The following NEDD4 variants were observed in gnomAD, a reference collection of about 807,000 sequenced individuals.
The protein encoded by NEDD4 is NEDD4 E3 ubiquitin protein ligase, also known as E3 ubiquitin-protein ligase NEDD4.
Under a neutral mutation model 144.9 loss-of-function variants are expected in NEDD4, and 99 were observed. The observed-to-expected ratio is 0.68, with a 90% confidence interval of 0.58 to 0.81. The LOEUF (loss-of-function observed/expected upper bound fraction) is 0.81. Among genes scored for constraint, NEDD4 ranks in the 30% least tolerant of loss-of-function variants. The probability of loss-of-function intolerance (pLI) is 0.00; values close to 1 mark genes in which losing one functional copy is unlikely to be tolerated. For missense variants in NEDD4, 985 were observed against 1,065.9 expected (o/e 0.92, Z 1.06); for synonymous variants, 318 against 350.6 (o/e 0.91, Z 1.04).
chr15:55,847,111 T>G, intron 17 of NEDD4, 77 bp from the exon 18 acceptor site: 1 of 973,544 alleles, frequency 1.0e-6, no homozygotes, highest in Non-Finnish European at 1.6e-6. Context: ...TGTTGTATTT[T>G]ATGAACGTAA....
intron 4 of NEDD4, among the ~76,000 whole-genome samples, chr15:55,929,333 T>G (rs1299456757): frequency 6.6e-6 from 1 of 152,212 alleles, no homozygotes; most frequent in Non-Finnish European, 1.5e-5. Flanking sequence ...TTTTTTTCCT[T>G]TTTTAAAAAA....
chr15:55,927,077 C>CAAAAAAAAAAAAAAA (rs57940091), intron 4 of NEDD4, among the ~76,000 whole-genome samples: 10 of 70,638 alleles, frequency 1.4e-4, no homozygotes, highest in East Asian at 4.4e-4. Context: ...GACTACGTCT[C>CAAAAAAAAAAAAAAA]AAAAAAAAAA....
At chr15:55,845,223 G>A (rs914014810) in intron 18 of NEDD4, among the ~76,000 whole-genome samples, 1 of 151,916 alleles carries the variant, frequency 6.6e-6, no homozygotes, top group African/African-American at 2.4e-5. Flanking sequence ...GTTGCATTCT[G>A]GGTAATTTCC....
chr15:55,834,459 G>C (rs1329336672), intron 24 of NEDD4, among the ~76,000 whole-genome samples, 173 bp from the exon 25 acceptor site: 1 of 152,144 alleles, frequency 6.6e-6, no homozygotes, highest in Non-Finnish European at 1.5e-5. Flanking sequence ...CATGTGCACA[G>C]TCTGTTCTCT....
chr15:55,990,441 C>G (rs2037970793), intron 1 of NEDD4, among the ~76,000 whole-genome samples: 1 of 152,132 alleles, frequency 6.6e-6, no homozygotes, highest in African/African-American at 2.4e-5. Flanking sequence ...AGAATATAAT[C>G]AATCTTGACG....
At position 55,852,307 on chromosome 15, in the gene NEDD4, A is replaced by G; in HGVS notation, c.1146+117T>C. On this transcript the variant is annotated intron_variant, in intron 13 of 28. Coordinates refer to ENST00000435532, the MANE Select transcript of NEDD4 (RefSeq NM_006154.4). ...TGAGACTCCATCTCAAAAAAATAAA[A>G]AAAAAAAAGAAGGTGGTAGAAGTAT... 3.2e-6 allele frequency: 4 copies of G among 1,232,936 alleles called. No homozygotes were observed. The East Asian group carries it at 8.2e-5, about 25-fold the overall frequency. 76.4% of individuals were successfully genotyped at this position (1,232,936 alleles called of 1,614,324 possible). A position where few individuals can be genotyped will look rare whatever the true frequency, so the allele number is the denominator to read the frequency against.
chr15:55,907,874 A>G (rs1034315203), intron 5 of NEDD4, among the ~76,000 whole-genome samples: 5 of 152,214 alleles, frequency 3.3e-5, no homozygotes, highest in Admixed American at 2.0e-4. Flanking sequence ...GCCTCTATCC[A>G]GACACCCAGT....
chr15:55,993,612 T>C lies in NEDD4; in HGVS notation c.-57A>G. 6.4e-7 allele frequency: 1 copy of C among 1,569,536 alleles called. No homozygotes were observed. The highest frequency in any genetic ancestry group is 2.5e-5 in the East Asian group (1 of 39,288). ...CGCCCCCGCCCAGGGCAGGCAACTG[T>C]GGAGGAGGAGGAGGAGAAGCGGGAG... On this transcript the variant is annotated 5_prime_UTR_variant, in exon 1 of 29. Coordinates refer to ENST00000435532, the MANE Select transcript of NEDD4 (RefSeq NM_006154.4).
intron 13 of NEDD4, among the ~76,000 whole-genome samples, chr15:55,852,122 C>T (rs2034005827): frequency 6.6e-6 from 1 of 151,654 alleles, no homozygotes. Context: ...ATGGTGAAAC[C>T]CTGTCTCTAC....
At chr15:55,837,060 T>C (rs1415248757) in intron 24 of NEDD4, among the ~76,000 whole-genome samples, 1 of 152,194 alleles carries the variant, frequency 6.6e-6, no homozygotes, top group African/African-American at 2.4e-5. Context: ...TAATTTATAT[T>C]CTGAATAAAA....
chr15:55,972,347 CAA>C (rs2037626195), intron 1 of NEDD4, among the ~76,000 whole-genome samples: 1 of 151,920 alleles, frequency 6.6e-6, no homozygotes, highest in African/African-American at 2.4e-5. Flanking sequence ...TATAATAAGA[CAA>C]AAATAGAAAC....
At position 55,874,076 on chromosome 15, in the gene NEDD4, T is replaced by C. The variant is rs536015419; in HGVS notation, c.292-68A>G. 17 of 844,502 alleles carry C rather than the reference T, an allele frequency of 2.0e-5. No homozygotes were observed. In the East Asian group the frequency reaches 3.5e-4, roughly 18 times the overall value. The allele number at this position is 844,502 out of a possible 1,614,324, so 52.3% of individuals were successfully genotyped here. A position where few individuals can be genotyped will look rare whatever the true frequency, so the allele number is the denominator to read the frequency against. ...ATTCCTTTAGAAGAGTTTGATGAGA[T>C]AGTGCCACCATTCACAGAAAATGTA... is the stretch of plus-strand genomic sequence containing the variant. On this transcript the variant is annotated intron_variant, in intron 5 of 28. Coordinates refer to ENST00000435532, the MANE Select transcript of NEDD4 (RefSeq NM_006154.4).
At chr15:55,866,481 T>C (rs1912394) in intron 8 of NEDD4, among the ~76,000 whole-genome samples, 82,377 of 151,826 alleles carry the variant, frequency 0.54, 22,658 homozygotes, top group South Asian at 0.66. Flanking sequence ...AGTTTTTATA[T>C]TTTACTCTTT....
chr15:55,951,849 G>A (rs1381396727), intron 2 of NEDD4, among the ~76,000 whole-genome samples: 1 of 151,970 alleles, frequency 6.6e-6, no homozygotes, highest in African/African-American at 2.4e-5. Flanking sequence ...ATGATTATAA[G>A]CTTCCTAGAT....
In NEDD4 at chr15:55,993,203, G is replaced by A. The variant is rs112196018; in HGVS notation, c.45+308C>T. On this transcript the variant is annotated intron_variant, in intron 1 of 28. Transcript: ENST00000435532. ...GGAAGGGGCTGGCGCGGTGATGTGG[G>A]TCCCCCGCCGACCGCCTAGCCCCCT... 2.6e-3 allele frequency among the ~76,000 whole-genome samples: 402 copies of A among 152,306 alleles called. 6 individuals carry two copies. The highest frequency in any genetic ancestry group is 2.9e-3 in the Admixed American group (45 of 15,306).
intron 5 of NEDD4, among the ~76,000 whole-genome samples, chr15:55,905,041 G>A (rs975304807): frequency 3.3e-5 from 5 of 149,718 alleles, no homozygotes; most frequent in Non-Finnish European, 7.4e-5. Context: ...GCAGTGAGCC[G>A]AGATCGTGCC....
At chr15:55,849,908 T>C (rs1174930565) in intron 14 of NEDD4, among the ~76,000 whole-genome samples, 4 of 151,874 alleles carry the variant, frequency 2.6e-5, no homozygotes, top group African/African-American at 9.7e-5. Flanking sequence ...TTCTCTAGCC[T>C]CAGCCTCCTG....
At position 55,923,482 on chromosome 15, in the gene NEDD4, C is replaced by T. The variant is rs2142231017; in HGVS notation, c.291+1164G>A. Reference sequence around the variant, plus strand: ...CCAACATGGTGAAACCCCATCTCTACTAAAATTCACAAAAATTAGCCAGGT... The same window carrying T: ...CCAACATGGTGAAACCCCATCTCTATTAAAATTCACAAAAATTAGCCAGGT... On this transcript the variant is annotated intron_variant, in intron 5 of 28. Coordinates refer to ENST00000435532, the MANE Select transcript of NEDD4 (RefSeq NM_006154.4). Among the ~76,000 whole-genome samples the T allele has an allele frequency of 3.3e-5, 5 of 151,816 alleles. 1 individual carries two copies. Among genetic ancestry groups the T allele is most frequent in the Admixed American group, 3.3e-4 (5 of 15,226 alleles).
chr15:55,953,001 T>C (rs181493192), intron 2 of NEDD4, among the ~76,000 whole-genome samples: 46 of 152,152 alleles, frequency 3.0e-4, no homozygotes, highest in African/African-American at 1.1e-3. Context: ...TTTTTTTCTT[T>C]TTTTTTGAGA....
Sources: allele counts gnomAD v4.1 joint callset (sites outside exome capture counted in the v4.1 genomes callset), GRCh38; gene constraint gnomAD v4.1.1; transcripts MANE v1.5; gene names NCBI Gene and HGNC (gene_info 2026-07-23, HGNC 2026-07-21).